ZFX: variants seen among roughly 807,000 people sequenced by gnomAD.
ZFX encodes the protein zinc finger protein X-linked.
For missense variants in ZFX, 362 were observed against 628.3 expected, an observed-to-expected ratio of 0.58 and a Z score of 4.53; for synonymous variants, 196 against 226.8, an observed-to-expected ratio of 0.86 and a Z score of 1.22.
chrX:24,178,590 T>TG (rs1253018743), intron 4 of ZFX, among the ~76,000 whole-genome samples: 1 of 78,204 alleles, frequency 1.3e-5, no homozygotes, highest in East Asian at 5.0e-4. Flanking sequence ...CGCCTGGCCT[T>TG]TTTTTTTTTT....
intron 5 of ZFX, among the ~76,000 whole-genome samples, chrX:24,206,051 A>G (rs780142191): frequency 5.4e-5 from 6 of 110,249 alleles, no homozygotes; most frequent in Non-Finnish European, 9.5e-5. Flanking sequence ...AGCAATGGGT[A>G]TATGAGAATA....
intron 3 of ZFX, among the ~76,000 whole-genome samples, chrX:24,163,010 C>T (rs930492284): frequency 1.8e-5 from 2 of 111,402 alleles, no homozygotes; most frequent in African/African-American, 3.3e-5. Context: ...CATGTTTTAG[C>T]GTGTATCCTA....
upstream of ZFX, chrX:24,149,554 C>G (rs1388879337): frequency 2.7e-5 from 3 of 111,087 alleles, no homozygotes; most frequent in East Asian, 5.8e-4. Flanking sequence ...GGAGGACCCA[C>G]CGGGCGGAGG....
At chrX:24,182,009 A>G (rs1484068190) in intron 5 of ZFX, among the ~76,000 whole-genome samples, 4 of 111,146 alleles carry the variant, frequency 3.6e-5, no homozygotes, top group African/African-American at 1.3e-4. Context: ...AGAGATTAGG[A>G]AGAAAAATGG....
At chrX:24,161,719 T>A (rs1312590491) in intron 3 of ZFX, 3 of 102,930 alleles carry the variant, frequency 2.9e-5, no homozygotes, top group Non-Finnish European at 5.9e-5. Flanking sequence ...TTAAAGACAG[T>A]CTTCCTCTGT....
At chrX:24,207,508 C>T in intron 6 of ZFX, 33 bp downstream of exon 6, 1 of 1,189,600 alleles carries the variant, frequency 8.4e-7, no homozygotes, top group Non-Finnish European at 1.1e-6. Context: ...TATACATCCT[C>T]ATCCAAATGT....
chrX:24,179,839 GTGA>G, intron 5 of ZFX, 69 bp downstream of exon 5: 1 of 1,001,411 alleles, frequency 1.0e-6, no homozygotes, highest in South Asian at 2.2e-5. Flanking sequence ...TACATCAGGG[GTGA>G]AATTTTCTTG....
chrX:24,210,947 G>A lies in ZFX; in HGVS notation c.1989G>A (p.Lys663=). The A allele has an allele frequency of 8.3e-7, 1 of 1,211,650 alleles. No homozygotes were observed. The highest frequency in any genetic ancestry group is 3.0e-5 in the East Asian group (1 of 33,847). Residue 663 remains lysine, a synonymous_variant, in exon 10 of 10, where the codon AAG becomes AAA. Coordinates refer to ENST00000304543, the MANE Select transcript of ZFX (RefSeq NM_003410.4). ...TTCACACGAAAGACTACCCCCATAAGTGTGACATGTGTGATAAAGGCTTTC... is the reference window on the plus strand; with the variant it reads ...TTCACACGAAAGACTACCCCCATAAATGTGACATGTGTGATAAAGGCTTTC... ...ISVHTKDYPH[K]CDMCDKGFHR... is the part of the protein sequence containing the mutation.
intron 3 of ZFX, among the ~76,000 whole-genome samples, chrX:24,171,905 GGAGAGAGA>G (rs1213136127): frequency 2.6e-4 from 11 of 41,916 alleles, no homozygotes; most frequent in Non-Finnish European, 3.3e-4. Context: ...AGAGAGAGAA[GGAGAGAGA>G]GAGAGAGAGA....
At chrX:24,188,990 A>C (rs769204169) in intron 5 of ZFX, among the ~76,000 whole-genome samples, 60 of 111,102 alleles carry the variant, frequency 5.4e-4, no homozygotes, top group African/African-American at 2.0e-3. Flanking sequence ...AGTGCGTGCC[A>C]CCACACCTGA....
intron 5 of ZFX, 76 bp from the exon 6 acceptor site, chrX:24,207,245 ATTTTT>A: frequency 4.0e-6 from 3 of 758,611 alleles, no homozygotes; most frequent in Non-Finnish European, 5.3e-6. Flanking sequence ...AAAAAAAAAA[ATTTTT>A]TTTTTTTTTT....
At chrX:24,192,734 C>T (rs1325671176) in intron 5 of ZFX, among the ~76,000 whole-genome samples, 1 of 109,502 alleles carries the variant, frequency 9.1e-6, no homozygotes, top group Admixed American at 9.8e-5. Context: ...CGGGAGACCC[C>T]ATCTCTAGAA....
chrX:24,202,973 C>G (rs1937397742), intron 5 of ZFX, among the ~76,000 whole-genome samples: 1 of 111,879 alleles, frequency 8.9e-6, no homozygotes, highest in Non-Finnish European at 1.9e-5. Context: ...GAGAAGCAAG[C>G]AAAGGGTGCC....
At chrX:24,185,859 G>A (rs1232085077) in intron 5 of ZFX, among the ~76,000 whole-genome samples, 2 of 110,405 alleles carry the variant, frequency 1.8e-5, no homozygotes, top group East Asian at 2.9e-4. Context: ...CTTGAGCCTA[G>A]GAGTTCAGAG....
intron 3 of ZFX, among the ~76,000 whole-genome samples, chrX:24,162,928 A>G (rs1372886543): frequency 1.8e-5 from 2 of 111,529 alleles, no homozygotes; most frequent in African/African-American, 3.3e-5. Context: ...GACGTTTCAT[A>G]TAAATGGAAT....
Position 24,211,069 on chromosome X carries a change from T to C in ZFX, c.2111T>C (p.Val704Ala). ...GACTTTAAGATTGCAGATCCATTTG[T>C]TCTAAGTCGCCATATTCTCTCAGTT... Reference protein sequence around the residue: ...HCDFKIADPFVLSRHILSVHT... With the variant: ...HCDFKIADPFALSRHILSVHT... The change falls in exon 10 of 10, where the codon GTT becomes GCT. Residue 704 changes from valine (V) to alanine (A), a missense_variant. By Grantham distance (64) the Val-to-Ala change is moderately conservative. Transcript: ENST00000304543. 1 of 1,212,218 alleles carries C rather than the reference T, an allele frequency of 8.2e-7. No homozygotes were observed. The highest frequency in any genetic ancestry group is 1.1e-6 in the Non-Finnish European group (1 of 895,675).
At chrX:24,152,453 T>G (rs1271700012) in intron 2 of ZFX, among the ~76,000 whole-genome samples, 1 of 111,758 alleles carries the variant, frequency 8.9e-6, no homozygotes, top group African/African-American at 3.3e-5. Context: ...AATTTTATGA[T>G]GGAAACCTTT....
At chrX:24,150,315 G>A (rs1414429450) in intron 1 of ZFX, among the ~76,000 whole-genome samples, 2 of 106,296 alleles carry the variant, frequency 1.9e-5, no homozygotes, top group East Asian at 3.0e-4. Context: ...TACAGCCCGT[G>A]AGGGGGGGTG....
At chrX:24,191,946 C>T (rs1374223650) in intron 5 of ZFX, among the ~76,000 whole-genome samples, 4 of 111,180 alleles carry the variant, frequency 3.6e-5, no homozygotes, top group Non-Finnish European at 3.8e-5. Context: ...GTGATCCACC[C>T]ATCTTGGCCT....
Sources: gnomAD v4.1 joint callset for allele counts (sites outside exome capture counted in the v4.1 genomes callset) on GRCh38, gnomAD v4.1.1 for gene constraint, MANE v1.5 for transcripts, NCBI Gene and HGNC (gene_info 2026-07-23, HGNC 2026-07-21) for gene names.